TMEM233: variants seen among roughly 807,000 people sequenced by gnomAD.
TMEM233 encodes the protein transmembrane protein 233, also known as dispanin subfamily B member 2.
A neutral mutation model predicts 11.2 loss-of-function variants in TMEM233; 6 were observed. That is an observed-to-expected ratio of 0.54 (90% confidence interval 0.29 to 1.06). The LOEUF (loss-of-function observed/expected upper bound fraction) is 1.06, where lower values mean the gene tolerates loss of function less well. Ranked by LOEUF, TMEM233 falls within the 50% of genes least tolerant of loss-of-function variation. The pLI is 0.08. For synonymous variants in TMEM233, 59 were observed against 55.8 expected (o/e 1.06, Z -0.26); for missense variants, 127 against 144.7 (o/e 0.88, Z 0.63).
rs150628936 is a variant in TMEM233 at position 119,609,730 on chromosome 12, G to A, written c.186+15696G>A. 4.3e-3 allele frequency among the ~76,000 whole-genome samples: 662 copies of A among 152,336 alleles called. 9 individuals are homozygous for A. The highest frequency in any genetic ancestry group is 0.015 in the African/African-American group (619 of 41,576). ...GTGCTGGGTCTGAGGGTGCACAGAAGTCAAGAATTGAGGTTTGGGAACCTC... is the reference window on the plus strand; with the variant it reads ...GTGCTGGGTCTGAGGGTGCACAGAAATCAAGAATTGAGGTTTGGGAACCTC... On this transcript the variant is annotated intron_variant, in intron 1 of 2. Coordinates refer to ENST00000426426, the MANE Select transcript of TMEM233 (RefSeq NM_001136534.3).
chr12:119,647,411 A>G (rs528718814), downstream of TMEM233, among the ~76,000 whole-genome samples: 1 of 152,254 alleles, frequency 6.6e-6, no homozygotes, highest in South Asian at 2.1e-4. Flanking sequence ...TTCATCCTTG[A>G]TAGGTGAAAT....
At chr12:119,600,919 A>T (rs1318012879) in intron 1 of TMEM233, among the ~76,000 whole-genome samples, 1 of 63,436 alleles carries the variant, frequency 1.6e-5, no homozygotes, top group Non-Finnish European at 4.5e-5. Context: ...CTGTATACTT[A>T]AAAATAGTTA....
chr12:119,601,397 CTGT>C (rs1326366405), intron 1 of TMEM233, among the ~76,000 whole-genome samples: 1 of 152,190 alleles, frequency 6.6e-6, no homozygotes, highest in African/African-American at 2.4e-5. Context: ...TGGCTCAAGC[CTGT>C]AATCCCAGCA....
chr12:119,635,371 A>G (rs1443910082), intron 2 of TMEM233, among the ~76,000 whole-genome samples: 1 of 152,200 alleles, frequency 6.6e-6, no homozygotes, highest in Admixed American at 6.5e-5. Context: ...AATTCTAAAT[A>G]TTCTAAAGTT....
In TMEM233 at chr12:119,594,055, G is replaced by A; in HGVS notation, c.186+21G>A. The A allele has an allele frequency of 6.5e-7, 1 of 1,550,338 alleles. No individual in the cohort carries two copies. The highest frequency in any genetic ancestry group is 8.7e-7 in the Non-Finnish European group (1 of 1,146,156). ...TCATGGTGAGTGAATCACGGCCAGA[G>A]GCAGCCTGGGAGGAGAGACCCGGGC... On this transcript the variant is annotated intron_variant, in intron 1 of 2. Transcript: ENST00000426426. This position sits in a 1 kb window ranked among gnomAD's most constrained non-coding sequence, Gnocchi z 5.6.
chr12:119,625,342 G>A (rs969308840), intron 1 of TMEM233, among the ~76,000 whole-genome samples: 3 of 151,278 alleles, frequency 2.0e-5, no homozygotes, highest in Non-Finnish European at 4.4e-5. Context: ...CAGCACTGAC[G>A]GAGTCCTTCT....
At chr12:119,650,050 C>G in the TMEM233 span, among the ~76,000 whole-genome samples, 1 of 150,732 alleles carries the variant, frequency 6.6e-6, no homozygotes, top group Non-Finnish European at 1.5e-5. Flanking sequence ...CCCAGCTACT[C>G]AGGAGGCTGA....
chr12:119,631,992 T>C (rs1954895701), intron 2 of TMEM233, among the ~76,000 whole-genome samples: 1 of 152,178 alleles, frequency 6.6e-6, no homozygotes. Context: ...TAAATAGAAT[T>C]CAAGGCTTTA....
intron 1 of TMEM233, among the ~76,000 whole-genome samples, chr12:119,598,018 C>G (rs1050680021): frequency 6.6e-6 from 1 of 152,190 alleles, no homozygotes; most frequent in Non-Finnish European, 1.5e-5. Flanking sequence ...TGATCTCACC[C>G]ATCCCTGGCT....
At chr12:119,616,593 G>T (rs1954539922) in intron 1 of TMEM233, among the ~76,000 whole-genome samples, 1 of 152,114 alleles carries the variant, frequency 6.6e-6, no homozygotes, top group African/African-American at 2.4e-5. Flanking sequence ...GGAGTCACAG[G>T]GAGAATTTCT....
intron 1 of TMEM233, among the ~76,000 whole-genome samples, chr12:119,604,998 C>CTCTTTTTTTT (rs567468740): frequency 7.1e-6 from 1 of 141,456 alleles, no homozygotes. Context: ...CCCTCACTAT[C>CTCTTTTTTTT]TTTTTTTTTT....
At chr12:119,610,479 C>T (rs1954371162) in intron 1 of TMEM233, among the ~76,000 whole-genome samples, 1 of 152,122 alleles carries the variant, frequency 6.6e-6, no homozygotes, top group Non-Finnish European at 1.5e-5. Flanking sequence ...TAGCTGTGTC[C>T]TCATGCAAAT....
At chr12:119,615,062 C>T (rs1034246447) in intron 1 of TMEM233, among the ~76,000 whole-genome samples, 2 of 150,832 alleles carry the variant, frequency 1.3e-5, no homozygotes, top group South Asian at 2.1e-4. Context: ...TTCTTTCCCC[C>T]CTCCAGACCT....
chr12:119,617,301 G>T (rs549271810), intron 1 of TMEM233, among the ~76,000 whole-genome samples: 2 of 152,164 alleles, frequency 1.3e-5, no homozygotes, highest in Non-Finnish European at 2.9e-5. Flanking sequence ...GGACAATGAA[G>T]TCCAGGCTAA....
At chr12:119,600,841 A>G (rs1383281109) in intron 1 of TMEM233, among the ~76,000 whole-genome samples, 1 of 152,174 alleles carries the variant, frequency 6.6e-6, no homozygotes, top group East Asian at 1.9e-4. Flanking sequence ...TTCTGAAGAT[A>G]GAAAAGTTCT....
At chr12:119,647,065 CT>C (rs139576814), downstream of TMEM233, among the ~76,000 whole-genome samples, 4 of 151,540 alleles carry the variant, frequency 2.6e-5, no homozygotes, top group African/African-American at 4.8e-5. Context: ...CTCAAACTTT[CT>C]TTTTTTTTGG....
chr12:119,598,910 A>G (rs544828269), intron 1 of TMEM233, among the ~76,000 whole-genome samples: 1 of 152,228 alleles, frequency 6.6e-6, no homozygotes, highest in African/African-American at 2.4e-5. Context: ...CTAGAATTCA[A>G]TAAGTATTGA....
At chr12:119,627,216 G>A (rs967926481) in intron 1 of TMEM233, among the ~76,000 whole-genome samples, 1 of 152,248 alleles carries the variant, frequency 6.6e-6, no homozygotes, top group Admixed American at 6.5e-5. Context: ...TAGTGCAGGA[G>A]TGGGCGAACT....
intron 1 of TMEM233, among the ~76,000 whole-genome samples, chr12:119,611,094 A>G (rs1019130012): frequency 6.6e-6 from 1 of 152,098 alleles, no homozygotes; most frequent in Non-Finnish European, 1.5e-5. Flanking sequence ...TGGACATTGG[A>G]TTGATTCCAT....
Sources: allele counts gnomAD v4.1 joint callset (sites outside exome capture counted in the v4.1 genomes callset), GRCh38; gene constraint gnomAD v4.1.1; non-coding constraint Gnocchi (gnomAD v3.1); transcripts MANE v1.5; gene names NCBI Gene and HGNC (gene_info 2026-07-23, HGNC 2026-07-21).